The following ZNG1E variants were observed in gnomAD, a reference collection of about 807,000 sequenced individuals.
The protein encoded by ZNG1E is zinc-regulated GTPase metalloprotein activator 1E.
At chr9:65,667,051 C>T in the ZNG1E span, among the ~76,000 whole-genome samples, 1 of 152,258 alleles carries the variant, frequency 6.6e-6, no homozygotes, top group East Asian at 1.9e-4. Flanking sequence ...AAACTCCTGA[C>T]CTCAGGTGAT....
chr9:65,693,881 C>CT, the ZNG1E span, among the ~76,000 whole-genome samples: 23 of 144,758 alleles, frequency 1.6e-4, no homozygotes, highest in Non-Finnish European at 2.6e-4. Context: ...TTTAAGTTTG[C>CT]TTTTTTTTTT....
At chr9:65,684,667 C>A in the ZNG1E span, among the ~76,000 whole-genome samples, 314 of 137,394 alleles carry the variant, frequency 2.3e-3, no homozygotes, top group African/African-American at 0.011. Context: ...TCAGCCTCAG[C>A]TGGGAGCTTG....
chr9:65,688,089 T>A, the ZNG1E span, among the ~76,000 whole-genome samples: 1 of 151,606 alleles, frequency 6.6e-6, no homozygotes. Flanking sequence ...TTTACTGTGA[T>A]CATCTGAAGC....
the ZNG1E span, among the ~76,000 whole-genome samples, chr9:65,684,612 ATC>A: frequency 8.6e-5 from 13 of 151,520 alleles, no homozygotes; most frequent in African/African-American, 3.1e-4. Flanking sequence ...TATTCCAGGG[ATC>A]TCTCTATGCC....
the ZNG1E span, among the ~76,000 whole-genome samples, chr9:65,714,207 C>G: frequency 1.3e-4 from 20 of 148,732 alleles, no homozygotes; most frequent in Admixed American, 1.3e-3. Flanking sequence ...TCAGCTCCAT[C>G]AGCTCCTTTA....
chr9:65,679,545 T>C, the ZNG1E span: 1 of 618,480 alleles, frequency 1.6e-6, no homozygotes. Flanking sequence ...TGAAAAAACG[T>C]TTATTTTTTA....
At chr9:65,665,469 A>G in the ZNG1E span, among the ~76,000 whole-genome samples, 1 of 152,252 alleles carries the variant, frequency 6.6e-6, no homozygotes, top group Non-Finnish European at 1.5e-5. Context: ...AACTCCGCCT[A>G]GATATCAGAA....
the ZNG1E span, among the ~76,000 whole-genome samples, chr9:65,677,484 T>C: frequency 7.2e-5 from 11 of 152,336 alleles, no homozygotes; most frequent in African/African-American, 2.2e-4. Flanking sequence ...TATTTTGATG[T>C]CCTACAACTT....
the ZNG1E span, among the ~76,000 whole-genome samples, chr9:65,691,630 T>C: frequency 6.6e-6 from 1 of 152,378 alleles, no homozygotes; most frequent in African/African-American, 2.4e-5. Flanking sequence ...TGTTGTTTGA[T>C]TTATGTCCTT....
At chr9:65,676,997 C>T in the ZNG1E span, 2 of 535,000 alleles carry the variant, frequency 3.7e-6, no homozygotes, top group Admixed American at 4.0e-5. Context: ...TGGGCCACTT[C>T]GTGACCTTTT....
the ZNG1E span, among the ~76,000 whole-genome samples, chr9:65,675,630 T>C: frequency 1.3e-5 from 2 of 149,254 alleles, no homozygotes; most frequent in Admixed American, 1.3e-4. Context: ...TAGCCTCAGC[T>C]CTACCTACAG....
At chr9:65,710,885 T>G in the ZNG1E span, among the ~76,000 whole-genome samples, 1 of 146,622 alleles carries the variant, frequency 6.8e-6, no homozygotes, top group Non-Finnish European at 1.5e-5. Context: ...TTTCCAATTG[T>G]GTGAAGAAAG....
chr9:65,680,876 C>A, the ZNG1E span, among the ~76,000 whole-genome samples: 1 of 152,078 alleles, frequency 6.6e-6, no homozygotes, highest in East Asian at 1.9e-4. Context: ...GCAACCTCCG[C>A]CTCCCGGGTT....
the ZNG1E span, among the ~76,000 whole-genome samples, chr9:65,680,433 TTTTC>T: frequency 6.6e-6 from 1 of 152,098 alleles, no homozygotes. Flanking sequence ...ATTCTTACTA[TTTTC>T]TTTATTTTTT....
chr9:65,675,186 A>G, the ZNG1E span, among the ~76,000 whole-genome samples: 4 of 152,288 alleles, frequency 2.6e-5, no homozygotes, highest in African/African-American at 9.6e-5. Context: ...CGGTGCACAT[A>G]GGTACGTGTA....
the ZNG1E span, among the ~76,000 whole-genome samples, chr9:65,717,369 G>A: frequency 6.8e-6 from 1 of 147,360 alleles, no homozygotes; most frequent in Non-Finnish European, 1.5e-5. Flanking sequence ...GATTGGCTGA[G>A]GTTGTCACCT....
the ZNG1E span, among the ~76,000 whole-genome samples, chr9:65,658,798 CT>C: frequency 6.9e-6 from 1 of 144,968 alleles, no homozygotes; most frequent in Non-Finnish European, 1.5e-5. Flanking sequence ...CTCTCCTTAG[CT>C]CACAGATGGC....
At chr9:65,681,359 G>A in the ZNG1E span, among the ~76,000 whole-genome samples, 5 of 152,262 alleles carry the variant, frequency 3.3e-5, no homozygotes, top group Admixed American at 2.0e-4. Context: ...AGTTTAGGAT[G>A]TGTCTTTTTT....
the ZNG1E span, among the ~76,000 whole-genome samples, chr9:65,672,399 A>C: frequency 4.3e-4 from 66 of 151,992 alleles, no homozygotes; most frequent in East Asian, 0.012. Context: ...ATACTTATTT[A>C]AAAAGGCATT....
Sources: gnomAD v4.1 joint callset for allele counts (sites outside exome capture counted in the v4.1 genomes callset) on GRCh38, gnomAD v4.1.1 for gene constraint, MANE v1.5 for transcripts, NCBI Gene and HGNC (gene_info 2026-07-23, HGNC 2026-07-21) for gene names.